Variants in LOXL2 observed in about 807,000 individuals in gnomAD.
LOXL2 encodes the protein lysyl oxidase homolog 2.
In LOXL2, 70 loss-of-function variants were observed where a neutral mutation model predicts 93.0. That is an observed-to-expected ratio of 0.75 (90% confidence interval 0.62 to 0.92). The LOEUF is 0.92. LOXL2 is among the 40% of genes least tolerant of loss of function. LOXL2 has a pLI of 0.00. For missense variants in LOXL2, 973 were observed against 1,054.9 expected, an observed-to-expected ratio of 0.92 and a Z score of 1.08; for synonymous variants, 438 against 413.2, an observed-to-expected ratio of 1.06 and a Z score of -0.73.
chr8:23,305,969 C>G (rs1255265241), intron 10 of LOXL2, among the ~76,000 whole-genome samples: 1 of 152,000 alleles, frequency 6.6e-6, no homozygotes, highest in African/African-American at 2.4e-5. Flanking sequence ...CGCCACCATG[C>G]CTGGCAAATT....
In LOXL2 at chr8:23,350,595, AT is replaced by A. The variant is rs557283715; in HGVS notation, c.532-9393del. Among the ~76,000 whole-genome samples the A allele has an allele frequency of 5.2e-3, 791 of 152,306 alleles. 8 individuals are homozygous for A. Among genetic ancestry groups the A allele is most frequent in the African/African-American group, 0.018 (757 of 41,558 alleles). On this transcript the variant is annotated intron_variant, in intron 3 of 13. Coordinates refer to ENST00000389131, the MANE Select transcript of LOXL2 (RefSeq NM_002318.3). ...CAACAAAAAATAAGCTGCTGGTAAC[AT>A]TCTTTAGCCTGTGACTTCTTGATGG...
chr8:23,309,967 A>C, intron 9 of LOXL2, 56 bp from the exon 10 acceptor site: 1 of 1,401,586 alleles, frequency 7.1e-7, no homozygotes, highest in African/African-American at 1.5e-5. Context: ...CAGGGCTTCT[A>C]CTTCTGATTC....
At chr8:23,331,588 T>C (rs1217900079) in intron 5 of LOXL2, 1 of 152,142 alleles carries the variant, frequency 6.6e-6, no homozygotes, top group African/African-American at 2.4e-5. Flanking sequence ...TCACAAGATA[T>C]TCGCTGTTTC....
chr8:23,297,722 C>CGCCGTGTGA lies in LOXL2; in HGVS notation c.*320_*321insTCACACGGC. ...ACTGTGTCTGTGGTGAGCTCGGTGG[C>CGCCGTGTGA]TTGAATGGGACAAGCTGATGACAAC... On this transcript the variant is annotated 3_prime_UTR_variant, in exon 14 of 14. Transcript: ENST00000389131. 1 of 211,652 alleles carries CGCCGTGTGA rather than the reference C, an allele frequency of 4.7e-6. No homozygotes were observed. Among genetic ancestry groups the CGCCGTGTGA allele is most frequent in the Non-Finnish European group, 9.2e-6 (1 of 108,772 alleles). 13.1% of individuals were successfully genotyped at this position (211,652 alleles called of 1,614,324 possible).
intron 8 of LOXL2, among the ~76,000 whole-genome samples, chr8:23,319,244 C>A (rs1803454248): frequency 6.6e-6 from 1 of 150,580 alleles, no homozygotes; most frequent in African/African-American, 2.4e-5. Context: ...CGGGATTAGA[C>A]CCAGAGCCTC....
intron 10 of LOXL2, among the ~76,000 whole-genome samples, chr8:23,307,146 A>G (rs540109912): frequency 1.3e-5 from 2 of 152,292 alleles, no homozygotes; most frequent in Non-Finnish European, 2.9e-5. Flanking sequence ...GACATAGGCT[A>G]TTAAACTTCT....
intron 1 of LOXL2, among the ~76,000 whole-genome samples, chr8:23,388,757 A>G (rs1408451671): frequency 1.3e-5 from 2 of 152,192 alleles, no homozygotes; most frequent in African/African-American, 4.8e-5. Context: ...CATATACTGT[A>G]TACATTAGGT....
chr8:23,333,157 G>A (rs573566313), intron 5 of LOXL2, among the ~76,000 whole-genome samples: 9 of 152,228 alleles, frequency 5.9e-5, no homozygotes, highest in African/African-American at 1.2e-4. Context: ...ACCCTTCATC[G>A]TCTGCTCCTG....
chr8:23,319,923 G>A lies in LOXL2; in HGVS notation c.1432C>T (p.Arg478Cys), dbSNP rs1803466990. 8 of 1,613,784 alleles carry A rather than the reference G, an allele frequency of 5.0e-6. No homozygotes were observed. Among genetic ancestry groups the A allele is most frequent in the East Asian group, 2.2e-5 (1 of 44,876 alleles). ...CTGGCGAATCCCAGGCCCAGCTGGCGGCAGACCACCATGGCCTCCACGATG... is the reference window on the plus strand; with the variant it reads ...CTGGCGAATCCCAGGCCCAGCTGGCAGCAGACCACCATGGCCTCCACGATG... ...WGIVEAMVVC[R>C]QLGLGFASNA... The change falls in exon 8 of 14, where the codon CGC (arginine) becomes TGC (cysteine). Residue 478 changes from arginine (R) to cysteine (C), a missense_variant. Transcript: ENST00000389131.
chr8:23,332,695 C>CCA (rs201112463), intron 5 of LOXL2, among the ~76,000 whole-genome samples: 7 of 69,124 alleles, frequency 1.0e-4, no homozygotes, highest in African/African-American at 4.4e-4. Flanking sequence ...ATACACCCCC[C>CCA]ACACACTCAT....
At chr8:23,337,095 C>A (rs1434302011) in intron 4 of LOXL2, 1 of 152,194 alleles carries the variant, frequency 6.6e-6, no homozygotes, top group Non-Finnish European at 1.5e-5. Context: ...TAAGTACGAA[C>A]TTAGTAGGCT....
At chr8:23,347,619 C>A (rs1269359310) in intron 3 of LOXL2, among the ~76,000 whole-genome samples, 1 of 152,124 alleles carries the variant, frequency 6.6e-6, no homozygotes, top group South Asian at 2.1e-4. Context: ...CACTGCACTC[C>A]AGCCTGGGCG....
intron 1 of LOXL2, among the ~76,000 whole-genome samples, chr8:23,373,940 T>C (rs1039984200): frequency 6.6e-6 from 1 of 151,758 alleles, no homozygotes; most frequent in Non-Finnish European, 1.5e-5. Context: ...GAAAAAAATA[T>C]GTGGTCTTGC....
chr8:23,399,584 G>T (rs1444197616), intron 1 of LOXL2, among the ~76,000 whole-genome samples: 1 of 152,166 alleles, frequency 6.6e-6, no homozygotes, highest in East Asian at 1.9e-4. Context: ...TTGGGATACT[G>T]CCAAGTCCCC....
chr8:23,328,966 C>T (rs561009325), intron 5 of LOXL2: 13 of 180,012 alleles, frequency 7.2e-5, no homozygotes, highest in South Asian at 1.4e-4. Flanking sequence ...CAGAAAGAAG[C>T]GCCTACCCTC....
At chr8:23,400,993 AG>A (rs1028191985) in intron 1 of LOXL2, among the ~76,000 whole-genome samples, 2 of 152,216 alleles carry the variant, frequency 1.3e-5, no homozygotes, top group African/African-American at 4.8e-5. Flanking sequence ...TGATAAGCCC[AG>A]GATGAAGCCT....
At chr8:23,346,401 TC>T (rs1803985508) in intron 3 of LOXL2, among the ~76,000 whole-genome samples, 1 of 151,882 alleles carries the variant, frequency 6.6e-6, no homozygotes, top group African/African-American at 2.4e-5. Flanking sequence ...GCTCATCACA[TC>T]CTCTGGCAGG....
chr8:23,339,567 C>T (rs145192803), intron 4 of LOXL2, among the ~76,000 whole-genome samples: 8 of 152,204 alleles, frequency 5.3e-5, no homozygotes, highest in South Asian at 2.1e-4. Flanking sequence ...GAACAAGGCG[C>T]GTGCTGTCCA....
At chr8:23,340,577 A>G (rs1434128631) in intron 4 of LOXL2, among the ~76,000 whole-genome samples, 1 of 152,242 alleles carries the variant, frequency 6.6e-6, no homozygotes, top group Non-Finnish European at 1.5e-5. Context: ...TCATTTGCCA[A>G]GAGCAAGTAA....
Sources: gnomAD v4.1 joint callset for allele counts (sites outside exome capture counted in the v4.1 genomes callset) on GRCh38, gnomAD v4.1.1 for gene constraint, MANE v1.5 for transcripts, NCBI Gene and HGNC (gene_info 2026-07-23, HGNC 2026-07-21) for gene names.